The following KYNU variants were observed in gnomAD, a reference collection of about 807,000 sequenced individuals.
KYNU encodes the protein L-kynurenine hydrolase.
KYNU carries 54 observed loss-of-function variants against 59.2 expected under a neutral mutation model. That is an observed-to-expected ratio of 0.91 (90% confidence interval 0.73 to 1.14). The LOEUF is 1.14. Ranked by LOEUF, KYNU falls within the 50% of genes most tolerant of loss-of-function variation. KYNU has a pLI of 0.00. For synonymous variants in KYNU, 177 were observed against 192.0 expected (o/e 0.92, Z 0.65); for missense variants, 567 against 554.4 (o/e 1.02, Z -0.23).
chr2:142,934,963 C>T (rs1173878986), intron 4 of KYNU, among the ~76,000 whole-genome samples: 3 of 152,162 alleles, frequency 2.0e-5, no homozygotes, highest in African/African-American at 7.2e-5. Context: ...AGGTGGATTG[C>T]TAGGAGGCTT....
chr2:142,961,159 C>T (rs571136332), intron 8 of KYNU, among the ~76,000 whole-genome samples: 130 of 150,674 alleles, frequency 8.6e-4, no homozygotes, highest in Admixed American at 2.4e-3. Flanking sequence ...TGCCCCTGCA[C>T]TCCAGCCTGG....
intron 4 of KYNU, chr2:142,947,768 T>C (rs1683844144): frequency 6.6e-6 from 1 of 152,636 alleles, no homozygotes; most frequent in Admixed American, 6.5e-5. Context: ...TATGTAAGTT[T>C]ATAAGAAACC....
chr2:142,937,616 A>G (rs907020842), intron 4 of KYNU, among the ~76,000 whole-genome samples: 3 of 152,210 alleles, frequency 2.0e-5, no homozygotes, highest in Non-Finnish European at 2.9e-5. Context: ...TGGTTGGAAG[A>G]TTTGTGGACA....
At chr2:142,954,554 A>C (rs1002646880) in intron 4 of KYNU, among the ~76,000 whole-genome samples, 2 of 152,218 alleles carry the variant, frequency 1.3e-5, no homozygotes, top group Non-Finnish European at 2.9e-5. Context: ...GGCAAAAGCA[A>C]ATGCTTCATT....
At chr2:142,973,774 GTT>G (rs1684808320) in intron 8 of KYNU, among the ~76,000 whole-genome samples, 2 of 152,050 alleles carry the variant, frequency 1.3e-5, no homozygotes, top group Non-Finnish European at 2.9e-5. Context: ...CAGGCTCTGG[GTT>G]TAAAAAGAGA....
At chr2:142,906,090 C>T (rs1046200345) in intron 2 of KYNU, among the ~76,000 whole-genome samples, 2 of 151,902 alleles carry the variant, frequency 1.3e-5, no homozygotes, top group African/African-American at 2.4e-5. Context: ...CTCTCTCTCT[C>T]TCATCTCTGT....
intron 10 of KYNU, among the ~76,000 whole-genome samples, chr2:142,988,281 A>G (rs1421624781): frequency 6.6e-6 from 1 of 151,978 alleles, no homozygotes; most frequent in Non-Finnish European, 1.5e-5. Flanking sequence ...GAGAATGTGC[A>G]TAGTAACATG....
chr2:142,923,050 T>C lies in KYNU; in HGVS notation c.290+4321T>C, dbSNP rs191388507. ...CCTCCCACCTGTTTTACAAGGGTAC[T>C]AATCCCATTCATGAGGGCTCTGCCC... On this transcript the variant is annotated intron_variant, in intron 3 of 13. Transcript: ENST00000264170. 3.7e-4 allele frequency among the ~76,000 whole-genome samples: 56 copies of C among 152,324 alleles called. 1 individual carries two copies. In the East Asian group the frequency reaches 0.011, roughly 29 times the overall value.
At position 143,048,528 on chromosome 2, in the gene KYNU, A is replaced by G. The variant is rs182482480; in HGVS notation, c.*6356A>G. On this transcript the variant is annotated 3_prime_UTR_variant, in exon 14 of 14. Coordinates refer to ENST00000264170, the MANE Select transcript of KYNU (RefSeq NM_003937.3). Reference sequence around the variant, plus strand: ...TTGCTATTTCTCCCTACAATTCAGAATTTTATTTATGGATGAAGTACATAT... The same window carrying G: ...TTGCTATTTCTCCCTACAATTCAGAGTTTTATTTATGGATGAAGTACATAT... 6.6e-6 allele frequency: 1 copy of G among 151,934 alleles called. No homozygotes were observed. Among genetic ancestry groups the G allele is most frequent in the Non-Finnish European group, 1.5e-5 (1 of 67,986 alleles). The allele number at this position is 151,934 out of a possible 1,614,324, so 9.4% of individuals were successfully genotyped here.
At chr2:142,916,502 C>T (rs1282689253) in intron 2 of KYNU, among the ~76,000 whole-genome samples, 1 of 152,102 alleles carries the variant, frequency 6.6e-6, no homozygotes, top group African/African-American at 2.4e-5. Flanking sequence ...GTTTGCCTTG[C>T]CTTGCTTAAA....
intron 4 of KYNU, among the ~76,000 whole-genome samples, chr2:142,942,099 C>A (rs1317781755): frequency 6.7e-6 from 1 of 149,672 alleles, no homozygotes; most frequent in Non-Finnish European, 1.5e-5. Flanking sequence ...GTTGCTGGAA[C>A]CTGGGAGTTT....
chr2:142,959,723 G>A (rs889129528), intron 7 of KYNU, among the ~76,000 whole-genome samples: 1 of 151,938 alleles, frequency 6.6e-6, no homozygotes, highest in African/African-American at 2.4e-5. Context: ...CCTTTAGTAA[G>A]TAATCAATTA....
intron 2 of KYNU, among the ~76,000 whole-genome samples, chr2:142,911,987 G>C (rs1682493275): frequency 6.7e-6 from 1 of 149,584 alleles, no homozygotes; most frequent in South Asian, 2.1e-4. Context: ...TGGGGATATT[G>C]ACCCGTAATT....
chr2:142,884,341 A>C (rs1681413303), intron 1 of KYNU, among the ~76,000 whole-genome samples: 1 of 152,226 alleles, frequency 6.6e-6, no homozygotes, highest in Non-Finnish European at 1.5e-5. Context: ...TTCACTCACA[A>C]AAAAGGATTT....
intron 4 of KYNU, among the ~76,000 whole-genome samples, chr2:142,942,701 GA>G (rs1034171029): frequency 5.9e-5 from 9 of 152,304 alleles, no homozygotes; most frequent in African/African-American, 2.2e-4. Context: ...GGAATGAAAA[GA>G]AGTAAAGTAT....
intron 2 of KYNU, 25 bp from the exon 3 acceptor site, chr2:142,918,584 T>G: frequency 6.6e-7 from 1 of 1,510,364 alleles, no homozygotes; most frequent in Non-Finnish European, 8.9e-7. Flanking sequence ...TTTTTTTTTT[T>G]TTTTTGACAT....
chr2:142,880,892 G>A (rs1163653634), intron 1 of KYNU, among the ~76,000 whole-genome samples: 1 of 152,180 alleles, frequency 6.6e-6, no homozygotes, highest in Non-Finnish European at 1.5e-5. Context: ...CAAGTTTCAG[G>A]CATAGCAAAT....
In KYNU at chr2:143,011,040, A is replaced by G. The variant is rs1239792288; in HGVS notation, c.903-18587A>G. Among the ~76,000 whole-genome samples, 4 of 145,550 alleles carry G rather than the reference A, an allele frequency of 2.7e-5. 1 individual carries two copies. The South Asian group carries it at 6.9e-4, about 25-fold the overall frequency. On this transcript the variant is annotated intron_variant, in intron 10 of 13. Coordinates refer to ENST00000264170, the MANE Select transcript of KYNU (RefSeq NM_003937.3). Reference sequence around the variant, plus strand: ...GTGCAAAACACCAAAAGCAATGGCAACCAAAGCCAAAATTGACAAATGGGA... The same window carrying G: ...GTGCAAAACACCAAAAGCAATGGCAGCCAAAGCCAAAATTGACAAATGGGA...
chr2:142,937,356 C>T (rs777497043), intron 4 of KYNU, among the ~76,000 whole-genome samples: 4 of 152,146 alleles, frequency 2.6e-5, no homozygotes, highest in Non-Finnish European at 4.4e-5. Context: ...CTACCAGTCC[C>T]CACACAGGAG....
Sources: allele counts gnomAD v4.1 joint callset (sites outside exome capture counted in the v4.1 genomes callset), GRCh38; gene constraint gnomAD v4.1.1; transcripts MANE v1.5; gene names NCBI Gene and HGNC (gene_info 2026-07-23, HGNC 2026-07-21).